The following AUTS2 variants were observed in gnomAD, a reference collection of about 807,000 sequenced individuals.
AUTS2 encodes the protein autism susceptibility gene 2 protein.
A neutral mutation model predicts 112.4 loss-of-function variants in AUTS2; 17 were observed. The ratio of observed to expected loss-of-function variants is 0.15; its 90% CI spans 0.10 to 0.23. The LOEUF is 0.23. AUTS2 is among the 10% of genes least tolerant of loss of function. The pLI, the probability that AUTS2 is intolerant of heterozygous loss-of-function variation, is 1.00. For synonymous variants in AUTS2, 751 were observed against 702.7 expected (o/e 1.07, Z -1.09); for missense variants, 1,510 against 1,701.6 (o/e 0.89, Z 1.98).
At chr7:70,545,892 A>C (rs1488679121) in intron 5 of AUTS2, among the ~76,000 whole-genome samples, 1 of 152,178 alleles carries the variant, frequency 6.6e-6, no homozygotes, top group Non-Finnish European at 1.5e-5. Context: ...GAGATGAAAC[A>C]AGACTGGCCA....
At chr7:70,686,720 A>G (rs904606411) in intron 5 of AUTS2, among the ~76,000 whole-genome samples, 2 of 151,392 alleles carry the variant, frequency 1.3e-5, no homozygotes, top group Admixed American at 1.3e-4. Context: ...TTTAGTAGAG[A>G]TGGGGTTTTA....
At chr7:69,980,121 T>G (rs1157606381) in intron 2 of AUTS2, among the ~76,000 whole-genome samples, 2 of 152,220 alleles carry the variant, frequency 1.3e-5, no homozygotes, top group East Asian at 3.8e-4. Flanking sequence ...TTTGTTTGTT[T>G]TTTGAGATGG....
At chr7:70,017,564 C>T (rs987284856) in intron 2 of AUTS2, among the ~76,000 whole-genome samples, 2 of 152,188 alleles carry the variant, frequency 1.3e-5, no homozygotes, top group South Asian at 4.1e-4. Context: ...CATGTACAGG[C>T]TTCAGAGCTG....
At chr7:70,101,114 G>T (rs1285965232) in intron 2 of AUTS2, among the ~76,000 whole-genome samples, 1 of 152,118 alleles carries the variant, frequency 6.6e-6, no homozygotes, top group Non-Finnish European at 1.5e-5. Flanking sequence ...CTGACGCCAG[G>T]TGATCTGCCA....
intron 5 of AUTS2, among the ~76,000 whole-genome samples, chr7:70,620,795 T>C (rs1453563953): frequency 6.6e-6 from 1 of 152,218 alleles, no homozygotes; most frequent in East Asian, 1.9e-4. Context: ...TGGCACTGGC[T>C]CCATGGCCTC....
chr7:69,953,742 C>A (rs1030544527), intron 2 of AUTS2, among the ~76,000 whole-genome samples: 2 of 152,154 alleles, frequency 1.3e-5, no homozygotes, highest in Admixed American at 1.3e-4. Context: ...ACCTTGTTCT[C>A]TATTTTTTCA....
At chr7:70,088,800 G>T (rs1394275691) in intron 2 of AUTS2, among the ~76,000 whole-genome samples, 9 of 152,054 alleles carry the variant, frequency 5.9e-5, no homozygotes, top group African/African-American at 2.2e-4. Flanking sequence ...TTTTAGTAGA[G>T]ACGGGGTTTC....
chr7:70,133,375 C>G (rs1025474688), intron 3 of AUTS2, among the ~76,000 whole-genome samples: 2 of 152,176 alleles, frequency 1.3e-5, no homozygotes, highest in Non-Finnish European at 2.9e-5. Flanking sequence ...TTTATACATT[C>G]ATTCAATAAG....
chr7:69,946,009 T>C (rs1237227303), intron 2 of AUTS2, among the ~76,000 whole-genome samples: 1 of 152,072 alleles, frequency 6.6e-6, no homozygotes, highest in Non-Finnish European at 1.5e-5. Flanking sequence ...GGCTGGCTGA[T>C]TTTTTATTCT....
chr7:70,035,572 G>A (rs1183149962), intron 2 of AUTS2, among the ~76,000 whole-genome samples: 5 of 152,130 alleles, frequency 3.3e-5, no homozygotes, highest in African/African-American at 9.7e-5. Context: ...AAAGTTGTAT[G>A]GACTCTTGTA....
intron 1 of AUTS2, among the ~76,000 whole-genome samples, chr7:69,648,084 A>G (rs137895920): frequency 6.6e-6 from 1 of 152,254 alleles, no homozygotes; most frequent in African/African-American, 2.4e-5. Flanking sequence ...TTAGGGCTTT[A>G]ACGTATATTT....
intron 5 of AUTS2, among the ~76,000 whole-genome samples, chr7:70,578,493 C>T (rs1249804196): frequency 1.3e-5 from 2 of 152,202 alleles, no homozygotes; most frequent in Admixed American, 6.5e-5. Context: ...TATTCTAAGT[C>T]CAGGACTCTT....
intron 4 of AUTS2, among the ~76,000 whole-genome samples, chr7:70,390,185 C>T (rs1473136536): frequency 1.3e-5 from 2 of 152,152 alleles, no homozygotes; most frequent in Non-Finnish European, 2.9e-5. Context: ...ATAGAAGTAC[C>T]AATAGCTTTG....
intron 10 of AUTS2, 32 bp from the exon 11 acceptor site, chr7:70,771,517 T>C (rs775567396): frequency 6.4e-7 from 1 of 1,565,008 alleles, no homozygotes; most frequent in East Asian, 2.3e-5. Context: ...CCTACTAAAA[T>C]CTTTTTTCCC....
intron 2 of AUTS2, among the ~76,000 whole-genome samples, chr7:70,024,768 T>C (rs990582282): frequency 1.3e-5 from 2 of 152,196 alleles, no homozygotes; most frequent in African/African-American, 4.8e-5. Flanking sequence ...TATTGCAGTC[T>C]TGAGGCAAAA....
chr7:70,269,443 A>G (rs962242783), intron 4 of AUTS2, among the ~76,000 whole-genome samples: 7 of 152,174 alleles, frequency 4.6e-5, no homozygotes, highest in African/African-American at 1.4e-4. Flanking sequence ...GGTGGGTGCC[A>G]CATGTAAGGA....
chr7:70,261,038 C>T (rs1011565495), intron 4 of AUTS2, among the ~76,000 whole-genome samples: 8 of 152,052 alleles, frequency 5.3e-5, no homozygotes, highest in South Asian at 2.1e-4. Context: ...TGAGCCACCG[C>T]GCCCGGCCAA....
chr7:70,002,223 C>G (rs945237380), intron 2 of AUTS2, among the ~76,000 whole-genome samples: 1 of 152,136 alleles, frequency 6.6e-6, no homozygotes, highest in Non-Finnish European at 1.5e-5. Context: ...ATGTCATAGA[C>G]AGAATGCATT....
chr7:70,120,628 G>A (rs888270355), intron 3 of AUTS2, among the ~76,000 whole-genome samples: 9 of 152,016 alleles, frequency 5.9e-5, no homozygotes, highest in South Asian at 2.1e-4. Context: ...AGAAATGAAC[G>A]CCATGTTAGT....
Sources: allele counts gnomAD v4.1 joint callset (sites outside exome capture counted in the v4.1 genomes callset), GRCh38; gene constraint gnomAD v4.1.1; transcripts MANE v1.5; gene names NCBI Gene and HGNC (gene_info 2026-07-23, HGNC 2026-07-21).